SMOC2: variants seen among roughly 807,000 people sequenced by gnomAD.
The protein encoded by SMOC2 is SPARC-related modular calcium-binding protein 2.
In SMOC2, 39 loss-of-function variants were observed where a neutral mutation model predicts 61.4. The observed-to-expected ratio is 0.64, with a 90% CI of 0.49 to 0.83. SMOC2 has a LOEUF of 0.83. Ranked by LOEUF, SMOC2 falls within the 40% of genes least tolerant of loss-of-function variation. The pLI is 0.00. For synonymous variants in SMOC2, 247 were observed against 239.9 expected (o/e 1.03, Z -0.27); for missense variants, 556 against 592.9 (o/e 0.94, Z 0.65).
In SMOC2 at chr6:168,527,480, C is replaced by T. The variant is rs965761087; in HGVS notation, c.364-148C>T. 48 of 624,400 alleles carry T rather than the reference C, an allele frequency of 7.7e-5. No individual in the cohort carries two copies. The East Asian group carries it at 1.1e-3, about 14-fold the overall frequency. 38.7% of individuals were successfully genotyped at this position (624,400 alleles called of 1,614,324 possible). Reference sequence around the variant, plus strand: ...GTCAAGACCTGCACACTTTCTTTACCGAGGACTCAAATGCAGCCACAGAAG... The same window carrying T: ...GTCAAGACCTGCACACTTTCTTTACTGAGGACTCAAATGCAGCCACAGAAG... On this transcript the variant is annotated intron_variant, in intron 3 of 12. Transcript: ENST00000356284.
chr6:168,552,184 TATTTA>T (rs1305742151), intron 7 of SMOC2, among the ~76,000 whole-genome samples: 1 of 152,222 alleles, frequency 6.6e-6, no homozygotes, highest in Admixed American at 6.5e-5. Flanking sequence ...TTAAAAATAA[TATTTA>T]ATTTATTAAG....
At chr6:168,537,863 C>G (rs1276592766) in intron 4 of SMOC2, among the ~76,000 whole-genome samples, 1 of 152,028 alleles carries the variant, frequency 6.6e-6, no homozygotes, top group Non-Finnish European at 1.5e-5. Context: ...CCTCCCCTGC[C>G]CTCGGAGGGG....
chr6:168,590,706 C>T (rs1296083576), intron 7 of SMOC2, among the ~76,000 whole-genome samples: 2 of 152,006 alleles, frequency 1.3e-5, no homozygotes, highest in African/African-American at 2.4e-5. Context: ...ATGCTTTAGG[C>T]GTCGTCATAC....
At chr6:168,496,908 C>G (rs752877427) in intron 1 of SMOC2, among the ~76,000 whole-genome samples, 2 of 152,226 alleles carry the variant, frequency 1.3e-5, no homozygotes, top group Non-Finnish European at 2.9e-5. Context: ...TGTTTTAATG[C>G]GTGACCCAAG....
chr6:168,539,641 G>GAA (rs1783831294), intron 4 of SMOC2, among the ~76,000 whole-genome samples: 1 of 152,246 alleles, frequency 6.6e-6, no homozygotes. Flanking sequence ...AGTGGGGACA[G>GAA]AACGCTCCTA....
intron 9 of SMOC2, among the ~76,000 whole-genome samples, chr6:168,617,253 C>T (rs12526347): frequency 0.025 from 3,745 of 151,386 alleles, 287 homozygotes; most frequent in Admixed American, 0.16. Flanking sequence ...TTTTATTTTC[C>T]TCAACATGTA....
At chr6:168,606,842 G>T (rs904932968) in intron 8 of SMOC2, among the ~76,000 whole-genome samples, 44 of 152,086 alleles carry the variant, frequency 2.9e-4, no homozygotes, top group African/African-American at 9.4e-4. Context: ...CCCCATGATG[G>T]TGTTGGCGGG....
intron 7 of SMOC2, among the ~76,000 whole-genome samples, chr6:168,574,015 G>A (rs989002407): frequency 4.6e-5 from 7 of 152,222 alleles, no homozygotes; most frequent in South Asian, 2.1e-4. Context: ...CGGGCCTTGC[G>A]CCCACCACAG....
At chr6:168,556,313 T>A (rs1784248826) in intron 7 of SMOC2, among the ~76,000 whole-genome samples, 1 of 152,168 alleles carries the variant, frequency 6.6e-6, no homozygotes. Context: ...AGTGTCCTTG[T>A]TGCCCACATG....
chr6:168,445,799 A>G (rs568533347), intron 1 of SMOC2, among the ~76,000 whole-genome samples: 57 of 152,306 alleles, frequency 3.7e-4, no homozygotes, highest in Admixed American at 8.5e-4. Context: ...TAAAAACCCA[A>G]ACATCTGGAA....
chr6:168,486,514 T>C (rs1180412412), intron 1 of SMOC2, among the ~76,000 whole-genome samples: 3 of 152,002 alleles, frequency 2.0e-5, no homozygotes, highest in Non-Finnish European at 4.4e-5. Context: ...TAATAAGCCA[T>C]GCAGCAGAGA....
chr6:168,448,614 G>C (rs1021742320), intron 1 of SMOC2, among the ~76,000 whole-genome samples: 1 of 150,524 alleles, frequency 6.6e-6, no homozygotes, highest in African/African-American at 2.5e-5. Context: ...ATGGGGAGGA[G>C]GATGGTGATG....
At chr6:168,666,281 TCTTACTCATA>T (rs72071771) in intron 12 of SMOC2, 130 bp from the exon 13 acceptor site, 133,376 of 805,094 alleles carry the variant, frequency 0.17, 11,002 homozygotes, top group Non-Finnish European at 0.2. Context: ...CTTCATTGTT[TCTTACTCATA>T]CTTACACCTC....
At chr6:168,580,409 T>C (rs1784895023) in intron 7 of SMOC2, among the ~76,000 whole-genome samples, 1 of 152,220 alleles carries the variant, frequency 6.6e-6, no homozygotes, top group South Asian at 2.1e-4. Context: ...GGTGCCGTTT[T>C]AGGGACGGAG....
chr6:168,569,494 G>T (rs2115138591), intron 7 of SMOC2, among the ~76,000 whole-genome samples: 1 of 152,252 alleles, frequency 6.6e-6, no homozygotes, highest in African/African-American at 2.4e-5. Context: ...AGGCTGGAGT[G>T]CAATAGTGCA....
rs181328750 is a variant in SMOC2 at position 168,615,872 on chromosome 6, G to A, written c.907+7633G>A. On this transcript the variant is annotated intron_variant, in intron 9 of 12. Coordinates refer to ENST00000356284, the MANE Select transcript of SMOC2 (RefSeq NM_001166412.2). ...GGCAACACCTGGATTTTTCAGACAC[G>A]ATTTTAGCACTATTCTAATTTTTTG... 4.0e-5 allele frequency among the ~76,000 whole-genome samples: 6 copies of A among 150,428 alleles called. 1 individual carries two copies. The highest frequency in any genetic ancestry group is 6.6e-5 in the Admixed American group (1 of 15,070).
chr6:168,446,761 CAAAT>C (rs936406571), intron 1 of SMOC2, among the ~76,000 whole-genome samples: 11 of 152,180 alleles, frequency 7.2e-5, no homozygotes, highest in African/African-American at 2.2e-4. Flanking sequence ...TGTAATAAAA[CAAAT>C]AAAGAGAACC....
intron 7 of SMOC2, among the ~76,000 whole-genome samples, chr6:168,582,019 C>T (rs1583130551): frequency 1.3e-5 from 2 of 152,312 alleles, no homozygotes. Context: ...TGGAGTTCTT[C>T]CGAGATTATC....
intron 1 of SMOC2, among the ~76,000 whole-genome samples, chr6:168,468,476 T>C (rs1781894425): frequency 6.6e-6 from 1 of 152,216 alleles, no homozygotes; most frequent in African/African-American, 2.4e-5. Flanking sequence ...GACTGCCTTC[T>C]CCCTGCCATG....
Sources: gnomAD v4.1 joint callset for allele counts (sites outside exome capture counted in the v4.1 genomes callset) on GRCh38, gnomAD v4.1.1 for gene constraint, MANE v1.5 for transcripts, NCBI Gene and HGNC (gene_info 2026-07-23, HGNC 2026-07-21) for gene names.